Variants in APAF1 observed in about 807,000 individuals in gnomAD.
APAF1 encodes apoptotic peptidase activating factor 1.
A neutral mutation model predicts 152.4 loss-of-function variants in APAF1; 91 were observed. That is an observed-to-expected ratio of 0.60 (90% CI 0.50 to 0.71). The LOEUF (loss-of-function observed/expected upper bound fraction) is 0.71, where lower values mean the gene tolerates loss of function less well. Among genes scored for constraint, APAF1 ranks in the 30% least tolerant of loss-of-function variants. The pLI is 0.00. For synonymous variants in APAF1, 484 were observed against 494.1 expected (o/e 0.98, Z 0.27); for missense variants, 1,283 against 1,472.0 (o/e 0.87, Z 2.10).
rs1158075873 is a variant in APAF1 at position 98,723,318 on chromosome 12, TTAAAGTA to T, written c.3204+11_3204+17del. 3.7e-6 allele frequency: 6 copies of T among 1,613,042 alleles called. No individual in the cohort carries two copies. The South Asian group carries it at 5.5e-5, about 15-fold the overall frequency. ...CATTTGATGGAACAGTGAAGGTAATTTAAAGTATAAATTTGTTTTTTGAAAAAGTATT... is the reference window on the plus strand; with the variant it reads ...CATTTGATGGAACAGTGAAGGTAATTTAAATTTGTTTTTTGAAAAAGTATT... On this transcript the variant is annotated splice_region_variant and intron_variant, in intron 23 of 26. Transcript: ENST00000551964.
intron 5 of APAF1, among the ~76,000 whole-genome samples, chr12:98,661,803 A>T (rs1013495342): frequency 2.6e-5 from 4 of 152,036 alleles, no homozygotes; most frequent in African/African-American, 9.7e-5. Flanking sequence ...TCAGACAAAA[A>T]TGTTATTGTA....
intron 12 of APAF1, among the ~76,000 whole-genome samples, chr12:98,676,518 T>G (rs2097686686): frequency 6.6e-6 from 1 of 152,128 alleles, no homozygotes; most frequent in Non-Finnish European, 1.5e-5. Context: ...CCCTTTATAC[T>G]TTAGATACTA....
chr12:98,676,737 C>G (rs1320546130), intron 12 of APAF1, among the ~76,000 whole-genome samples: 2 of 150,784 alleles, frequency 1.3e-5, no homozygotes, highest in Non-Finnish European at 2.9e-5. Context: ...ACCTCCATCT[C>G]CCAGGTTCAA....
intron 4 of APAF1, among the ~76,000 whole-genome samples, chr12:98,652,656 C>T (rs1358802557): frequency 6.6e-6 from 1 of 150,820 alleles, no homozygotes; most frequent in Non-Finnish European, 1.5e-5. Context: ...GACGGAGTTT[C>T]GCTCTTGTTG....
chr12:98,665,312 G>T (rs1373347855), intron 7 of APAF1, among the ~76,000 whole-genome samples: 4 of 117,686 alleles, frequency 3.4e-5, no homozygotes, highest in African/African-American at 1.3e-4. Context: ...ATCTTAGCCA[G>T]ATTTGATCTA....
At chr12:98,728,320 G>A (rs2097754279) in intron 26 of APAF1, among the ~76,000 whole-genome samples, 1 of 152,128 alleles carries the variant, frequency 6.6e-6, no homozygotes, top group South Asian at 2.1e-4. Context: ...TTTACAAAAC[G>A]CTTCACTCCC....
chr12:98,649,564 A>G lies in APAF1; in HGVS notation c.406A>G (p.Ile136Val). Reference sequence around the variant, plus strand: ...CACAAGGAAGAAGCTGGTGAATGCAATTCAGCAGAAGCTCTCCAAATTGAA... The same window carrying G: ...CACAAGGAAGAAGCTGGTGAATGCAGTTCAGCAGAAGCTCTCCAAATTGAA... ...FVTRKKLVNA[I>V]QQKLSKLKGE... Residue 136 changes from isoleucine (I) to valine (V), a missense_variant, in exon 4 of 27, where the codon ATT becomes GTT. Coordinates refer to ENST00000551964, the MANE Select transcript of APAF1 (RefSeq NM_181861.2). 6.2e-7 allele frequency: 1 copy of G among 1,614,198 alleles called. No individual in the cohort carries two copies. The highest frequency in any genetic ancestry group is 8.5e-7 in the Non-Finnish European group (1 of 1,180,032).
At chr12:98,685,348 T>TG (rs1229271051) in intron 15 of APAF1, among the ~76,000 whole-genome samples, 1 of 152,056 alleles carries the variant, frequency 6.6e-6, no homozygotes. Context: ...CCCTTTTTTT[T>TG]TTTTTTGAGA....
chr12:98,653,414 T>C (rs2097651411), intron 4 of APAF1, among the ~76,000 whole-genome samples: 2 of 151,460 alleles, frequency 1.3e-5, no homozygotes, highest in Admixed American at 1.3e-4. Context: ...CCCAGCACTC[T>C]GGGAGGCCGA....
Position 98,662,652 on chromosome 12 carries a change from T to C in APAF1, c.824-23T>C, listed in dbSNP as rs368863812. 3.8e-5 allele frequency: 61 copies of C among 1,612,748 alleles called. No homozygotes were observed. In the African/African-American group the frequency reaches 7.2e-4, roughly 19 times the overall value. ...ATGTGACATACCAAATTACTTACTTTGTCTTGTGATTTTTGTTTGCAGGTC... is the reference window on the plus strand; with the variant it reads ...ATGTGACATACCAAATTACTTACTTCGTCTTGTGATTTTTGTTTGCAGGTC... On this transcript the variant is annotated intron_variant, in intron 6 of 26. Transcript: ENST00000551964.
intron 10 of APAF1, 60 bp from the exon 11 acceptor site, chr12:98,670,913 T>TA (rs1251978617): frequency 3.1e-6 from 3 of 960,646 alleles, no homozygotes; most frequent in Non-Finnish European, 5.1e-6. Context: ...TTAATGATGT[T>TA]ATACCTAAAA....
intron 13 of APAF1, among the ~76,000 whole-genome samples, chr12:98,678,586 A>AC (rs2097688985): frequency 6.6e-6 from 1 of 152,128 alleles, no homozygotes; most frequent in South Asian, 2.1e-4. Flanking sequence ...AGCAGGCAGG[A>AC]CCCCTTCCCC....
intron 17 of APAF1, among the ~76,000 whole-genome samples, chr12:98,701,016 G>T (rs1430849710): frequency 1.3e-5 from 2 of 151,108 alleles, no homozygotes; most frequent in East Asian, 3.9e-4. Flanking sequence ...TTACAAACCA[G>T]TGTTTATTTT....
At chr12:98,701,925 C>A (rs948334790) in intron 17 of APAF1, among the ~76,000 whole-genome samples, 1 of 152,212 alleles carries the variant, frequency 6.6e-6, no homozygotes, top group South Asian at 2.1e-4. Context: ...CAAGTTTCCT[C>A]GATCACTGTC....
intron 19 of APAF1, among the ~76,000 whole-genome samples, chr12:98,707,031 CTTG>C (rs1209852584): frequency 5.9e-5 from 9 of 152,096 alleles, no homozygotes; most frequent in African/African-American, 1.2e-4. Flanking sequence ...TGTTACTTCT[CTTG>C]TTGTATTAGT....
At chr12:98,698,973 C>G (rs2097712450) in intron 16 of APAF1, among the ~76,000 whole-genome samples, 1 of 152,216 alleles carries the variant, frequency 6.6e-6, no homozygotes, top group Non-Finnish European at 1.5e-5. Flanking sequence ...TCTGCTAGGT[C>G]ACGACCTAAC....
At chr12:98,726,576 T>G (rs1364063053) in intron 25 of APAF1, 1 of 153,752 alleles carries the variant, frequency 6.5e-6, no homozygotes, top group Non-Finnish European at 1.4e-5. Flanking sequence ...CAACCTTCTC[T>G]CTACCAGTCA....
chr12:98,671,495 G>T, intron 11 of APAF1, 40 bp from the exon 12 acceptor site: 2 of 1,576,486 alleles, frequency 1.3e-6, no homozygotes, highest in Non-Finnish European at 1.7e-6. Flanking sequence ...TCAGATCGTG[G>T]CTCTGATTGT....
chr12:98,648,381 T>G lies in APAF1; in HGVS notation c.22T>G (p.Cys8Gly). The stretch of plus-strand genomic sequence containing the variant: ...GAAGATGGATGCAAAAGCTCGAAAT[T>G]GTTTGCTTCAACATAGAGAAGCTCT... MDAKARN[C>G]LLQHREALEK... Residue 8 changes from cysteine to glycine, a missense_variant, in exon 2 of 27, where the codon TGT becomes GGT. Cys to Gly is a radical substitution (Grantham distance 159, BLOSUM62 -3). Coordinates refer to ENST00000551964, the MANE Select transcript of APAF1 (RefSeq NM_181861.2). 6.2e-7 allele frequency: 1 copy of G among 1,614,106 alleles called. No individual in the cohort carries two copies. The highest frequency in any genetic ancestry group is 8.5e-7 in the Non-Finnish European group (1 of 1,179,996).
Sources: allele counts gnomAD v4.1 joint callset (sites outside exome capture counted in the v4.1 genomes callset), GRCh38; gene constraint gnomAD v4.1.1; transcripts MANE v1.5; gene names NCBI Gene and HGNC (gene_info 2026-07-23, HGNC 2026-07-21).